CARM1: variants seen among roughly 807,000 people sequenced by gnomAD.
CARM1 encodes the protein coactivator associated arginine methyltransferase 1.
CARM1 carries 14 observed loss-of-function variants against 72.7 expected under a neutral mutation model. That is an observed-to-expected ratio of 0.19 (90% CI 0.13 to 0.30). The LOEUF is 0.30. Ranked by LOEUF, CARM1 falls within the 10% of genes least tolerant of loss-of-function variation. The pLI, the probability that CARM1 is intolerant of heterozygous loss-of-function variation, is 1.00. For synonymous variants in CARM1, 333 were observed against 345.5 expected, an observed-to-expected ratio of 0.96 and a Z score of 0.40; for missense variants, 432 against 833.7, an observed-to-expected ratio of 0.52 and a Z score of 5.93.
chr19:10,901,360 T>C (rs1341406624), intron 1 of CARM1, among the ~76,000 whole-genome samples: 2 of 152,028 alleles, frequency 1.3e-5, no homozygotes, highest in Middle Eastern at 6.8e-3. Flanking sequence ...CAGGCTGGAG[T>C]GCAGTGGCTG....
chr19:10,921,169 C>T lies in CARM1; in HGVS notation c.1615+42C>T, dbSNP rs922890473. The T allele has an allele frequency of 4.4e-6, 7 of 1,583,238 alleles. No individual in the cohort carries two copies. In the African/African-American group the frequency reaches 9.4e-5, roughly 21 times the overall value. On this transcript the variant is annotated intron_variant, in intron 14 of 15. Coordinates refer to ENST00000327064, the MANE Select transcript of CARM1 (RefSeq NM_199141.2). The stretch of plus-strand genomic sequence containing the variant: ...GCCAGGGGCAGCAGGGAGCCATGCC[C>T]AGGACTGCCCAGGGGCCGGGAAGGG...
chr19:10,908,239 C>A, intron 3 of CARM1, 94 bp downstream of exon 3: 1 of 802,882 alleles, frequency 1.2e-6, no homozygotes, highest in Non-Finnish European at 2.2e-6. Context: ...GAAGGCCCAC[C>A]CAAGTTCCCG....
At chr19:10,897,962 C>T (rs1198628675) in intron 1 of CARM1, among the ~76,000 whole-genome samples, 2 of 152,036 alleles carry the variant, frequency 1.3e-5, no homozygotes, top group Non-Finnish European at 2.9e-5. Context: ...AAAAAATTAG[C>T]CGGGCGAGGT....
At position 10,922,741 on chromosome 19, in the gene CARM1, GAA is replaced by G. The variant is rs2074278968; in HGVS notation, c.*986_*987del. On this transcript the variant is annotated 3_prime_UTR_variant, in exon 16 of 16. Coordinates refer to ENST00000327064, the MANE Select transcript of CARM1 (RefSeq NM_199141.2). Reference sequence around the variant, plus strand: ...CTCCAAAAAAAGAAAAAAAGAAAAAGAAAGAAAAAATAAATGAGGAAACGTGT... The same window carrying G: ...CTCCAAAAAAAGAAAAAAAGAAAAAGAGAAAAAATAAATGAGGAAACGTGT... 1 of 152,474 alleles carries G rather than the reference GAA, an allele frequency of 6.6e-6. No homozygotes were observed. Among genetic ancestry groups the G allele is most frequent in the African/African-American group, 2.4e-5 (1 of 41,452 alleles). 9.4% of individuals were successfully genotyped at this position (152,474 alleles called of 1,614,324 possible). A position where few individuals can be genotyped will look rare whatever the true frequency, so the allele number is the denominator to read the frequency against.
In CARM1 at chr19:10,910,525, A is replaced by G. The variant is rs376644012; in HGVS notation, c.558+1318A>G. ...GTATAATGTATTCCCTTCTCATCCC[A>G]TTTGCCAGAGTTTTTGGTGTCTACC... is the stretch of plus-strand genomic sequence containing the variant. On this transcript the variant is annotated intron_variant, in intron 4 of 15. Transcript: ENST00000327064. 1.3e-3 allele frequency among the ~76,000 whole-genome samples: 199 copies of G among 150,162 alleles called. 2 individuals are homozygous for G. The highest frequency in any genetic ancestry group is 4.6e-3 in the African/African-American group (186 of 40,790).
intron 1 of CARM1, among the ~76,000 whole-genome samples, chr19:10,884,013 G>GTT (rs772915996): frequency 0.19 from 18,546 of 100,086 alleles, 2,038 homozygotes; most frequent in Middle Eastern, 0.26. Context: ...GCGAGACTCT[G>GTT]TTTTTTTTTT....
chr19:10,907,845 A>G (rs565277413), intron 2 of CARM1, among the ~76,000 whole-genome samples, 194 bp from the exon 3 acceptor site: 2 of 152,314 alleles, frequency 1.3e-5, no homozygotes, highest in East Asian at 3.9e-4. Flanking sequence ...CATGTCAGTC[A>G]CCACAGTGCA....
chr19:10,899,790 G>A (rs1231465172), intron 1 of CARM1, among the ~76,000 whole-genome samples: 1 of 149,866 alleles, frequency 6.7e-6, no homozygotes, highest in Non-Finnish European at 1.5e-5. Context: ...GTGCCATCTC[G>A]GCTCACTGCA....
At chr19:10,882,628 G>A (rs1290547932) in intron 1 of CARM1, among the ~76,000 whole-genome samples, 2 of 135,734 alleles carry the variant, frequency 1.5e-5, no homozygotes, top group African/African-American at 2.8e-5. Flanking sequence ...TGCAACCTCC[G>A]CCTCCCAGGT....
chr19:10,903,723 G>A (rs917472102), intron 1 of CARM1, among the ~76,000 whole-genome samples: 5 of 152,040 alleles, frequency 3.3e-5, no homozygotes, highest in Non-Finnish European at 5.9e-5. Context: ...ACTCTGTCCA[G>A]CTCCCCAGTT....
In CARM1 at chr19:10,914,311, G is replaced by A. The variant is rs537494079; in HGVS notation, c.847+257G>A. Among the ~76,000 whole-genome samples the A allele has an allele frequency of 1.4e-4, 22 of 152,342 alleles. No homozygotes were observed. In the East Asian group the frequency reaches 3.5e-3, roughly 24 times the overall value. ...CACAGGATCTCCTGGCACCTCTGCC[G>A]TCCCATGTCCTGCTCCTGCGGGACA... On this transcript the variant is annotated intron_variant, in intron 6 of 15. Transcript: ENST00000327064.
At position 10,912,066 on chromosome 19, in the gene CARM1, G is replaced by A. The variant is rs2074154930; in HGVS notation, c.559-118G>A. On this transcript the variant is annotated intron_variant, in intron 4 of 15. Transcript: ENST00000327064. This position sits in a 1 kb window ranked among gnomAD's most constrained non-coding sequence, Gnocchi z 4.5. ...TCATTTTGACCAAGAGCCCATAAAG[G>A]GCAAACATTGAGAGTGAAGACAGAC... The A allele has an allele frequency of 5.0e-6, 4 of 795,604 alleles. No homozygotes were observed. Among genetic ancestry groups the A allele is most frequent in the African/African-American group, 1.7e-5 (1 of 59,482 alleles). 49.3% of individuals were successfully genotyped at this position (795,604 alleles called of 1,614,324 possible). A position where few individuals can be genotyped will look rare whatever the true frequency, so the allele number is the denominator to read the frequency against.
intron 1 of CARM1, among the ~76,000 whole-genome samples, chr19:10,879,485 C>T (rs912363311): frequency 1.3e-5 from 2 of 152,112 alleles, no homozygotes; most frequent in Non-Finnish European, 2.9e-5. Flanking sequence ...TTGGGAAGGA[C>T]GTTTCTGGGT....
chr19:10,885,719 C>T (rs963330859), intron 1 of CARM1, among the ~76,000 whole-genome samples: 1 of 152,108 alleles, frequency 6.6e-6, no homozygotes. Context: ...GATTTCCATC[C>T]TGTGCCCTTG....
intron 3 of CARM1, chr19:10,908,527 CTAT>C: frequency 4.8e-6 from 1 of 207,070 alleles, no homozygotes; most frequent in Non-Finnish European, 9.9e-6. Flanking sequence ...GAGGTAAGTG[CTAT>C]TATTGTCCCC....
At chr19:10,884,437 T>G (rs1219665999) in intron 1 of CARM1, among the ~76,000 whole-genome samples, 1 of 151,920 alleles carries the variant, frequency 6.6e-6, no homozygotes, top group Non-Finnish European at 1.5e-5. Context: ...CCTCCCCTCC[T>G]TGGCCTCCCA....
Position 10,916,272 on chromosome 19 carries a change from C to A in CARM1, c.848-135C>A. On this transcript the variant is annotated intron_variant, in intron 6 of 15. Transcript: ENST00000327064. The surrounding 1 kb of genome is among the most constrained non-coding windows in gnomAD (Gnocchi z 4.4). ...CAGAATAGGCGCTCGGTGCCACTGT[C>A]ACAGGAGTGCAGGAACGAATGGATG... 1 of 637,536 alleles carries A rather than the reference C, an allele frequency of 1.6e-6. No homozygotes were observed. The allele number at this position is 637,536 out of a possible 1,614,324, so 39.5% of individuals were successfully genotyped here. A position where few individuals can be genotyped will look rare whatever the true frequency, so the allele number is the denominator to read the frequency against.
At chr19:10,908,273 C>T in intron 3 of CARM1, 128 bp downstream of exon 3, 2 of 634,022 alleles carry the variant, frequency 3.2e-6, no homozygotes, top group Middle Eastern at 3.6e-4. Flanking sequence ...CCTTACTGGC[C>T]ATGTAGCCTT....
rs1599709301 is a variant in CARM1, at chr19:10,916,010, T to C, written c.848-397T>C. Among the ~76,000 whole-genome samples the C allele has an allele frequency of 6.6e-6, 1 of 152,280 alleles. No individual in the cohort carries two copies. Among genetic ancestry groups the C allele is most frequent in the East Asian group, 1.9e-4 (1 of 5,184 alleles). On this transcript the variant is annotated intron_variant, in intron 6 of 15. Coordinates refer to ENST00000327064, the MANE Select transcript of CARM1 (RefSeq NM_199141.2). The surrounding 1 kb of genome is among the most constrained non-coding windows in gnomAD (Gnocchi z 4.4). ...CCCGGGGCCCACCACCCTCCCTCTGTCCAGAGCAACTTTGCTATGCTTTCC... is the reference window on the plus strand; with the variant it reads ...CCCGGGGCCCACCACCCTCCCTCTGCCCAGAGCAACTTTGCTATGCTTTCC...
Sources: gnomAD v4.1 joint callset for allele counts (sites outside exome capture counted in the v4.1 genomes callset) on GRCh38, gnomAD v4.1.1 for gene constraint, Gnocchi (gnomAD v3.1) non-coding constraint, MANE v1.5 for transcripts, NCBI Gene and HGNC (gene_info 2026-07-23, HGNC 2026-07-21) for gene names.